Variants in CCAR2 observed in about 807,000 individuals in gnomAD.
CCAR2 encodes the protein cell cycle and apoptosis regulator 2.
A neutral mutation model predicts 108.1 loss-of-function variants in CCAR2; 21 were observed. The observed-to-expected ratio is 0.19, with a 90% CI of 0.14 to 0.28. The LOEUF is 0.28. CCAR2 is among the 10% of genes least tolerant of loss of function. The probability of loss-of-function intolerance (pLI) is 1.00; values close to 1 mark genes in which losing one functional copy is unlikely to be tolerated. For missense variants in CCAR2, 1,126 were observed against 1,177.0 expected, an observed-to-expected ratio of 0.96 and a Z score of 0.63; for synonymous variants, 577 against 472.8, an observed-to-expected ratio of 1.22 and a Z score of -2.86.
At chr8:22,606,053 G>A (rs199824450) in intron 2 of CCAR2, 32 bp from the exon 3 acceptor site, 15 of 1,578,346 alleles carry the variant, frequency 9.5e-6, no homozygotes, top group South Asian at 3.3e-5. Flanking sequence ...TGGTAGGGGC[G>A]GTTCCTGGAG....
At position 22,613,180 on chromosome 8, in the gene CCAR2, T is replaced by C. The variant is rs376147638; in HGVS notation, c.704+44T>C. The C allele has an allele frequency of 7.3e-6, 11 of 1,507,822 alleles. No homozygotes were observed. The African/African-American group carries it at 1.5e-4, about 21-fold the overall frequency. The allele number at this position is 1,507,822 out of a possible 1,614,324, so 93.4% of individuals were successfully genotyped here. ...GTGGGCTGAGTCTTGCTGCTGGTAA[T>C]AGTTTCTTATGTAAATGAGATGGCG... On this transcript the variant is annotated intron_variant, in intron 8 of 20. Coordinates refer to ENST00000308511, the MANE Select transcript of CCAR2 (RefSeq NM_001393997.1).
intron 1 of CCAR2, 27 bp downstream of exon 1, chr8:22,604,869 C>T (rs904456636): frequency 4.5e-6 from 2 of 447,766 alleles, no homozygotes; most frequent in African/African-American, 2.0e-5. Context: ...CCTGCCGCCC[C>T]TCTGCCCCTT....
chr8:22,615,590 A>T lies in CCAR2; in HGVS notation c.1371A>T (p.Ala457=). Residue 457 remains alanine (A), a synonymous_variant, in exon 12 of 21, where the codon GCA becomes GCT. Coordinates refer to ENST00000308511, the MANE Select transcript of CCAR2 (RefSeq NM_001393997.1). Reference sequence around the variant, plus strand: ...AGGCAGCTCCCCCAACCCAGGAGGCACAAGGGGTAAGGCTGTGCCTTAGCC... The same window carrying T: ...AGGCAGCTCCCCCAACCCAGGAGGCTCAAGGGGTAAGGCTGTGCCTTAGCC... ...AAEAAPPTQE[A]QGETEPTEQA... The T allele has an allele frequency of 6.2e-7, 1 of 1,613,880 alleles. No homozygotes were observed. Among genetic ancestry groups the T allele is most frequent in the Non-Finnish European group, 8.5e-7 (1 of 1,179,992 alleles).
At chr8:22,615,968 GTCTT>G in intron 13 of CCAR2, 40 bp from the exon 14 acceptor site, 2 of 1,612,908 alleles carry the variant, frequency 1.2e-6, no homozygotes, top group South Asian at 2.2e-5. Flanking sequence ...GCCTGAAGCA[GTCTT>G]TCTTCCTGAT....
rs750209942 is a variant in CCAR2, at chr8:22,619,164, C to G, written c.2536C>G (p.Arg846Gly). Residue 846 changes from arginine to glycine, a missense_variant, in exon 20 of 21, where the codon CGT becomes GGT. This residue lies in a region of CCAR2 where 1,013 missense variants were observed against 993.9 expected (regional missense o/e 1.02). Transcript: ENST00000308511. ...CCACCTTGCAGAGGAGAGCCATAAC[C>G]GTTTCTCAGCCACTGAAGTAACCAA... The part of the protein sequence containing the change: ...LELKLEESHN[R>G]FSATEVTNKT... The G allele has an allele frequency of 6.2e-7, 1 of 1,601,538 alleles. No homozygotes were observed.
At position 22,615,779 on chromosome 8, in the gene CCAR2, A is replaced by T; in HGVS notation, c.1475A>T (p.Glu492Val). The part of the protein sequence containing the change: ...AETPEATTQQ[E>V]TDTDLPEAPP... ...ACTCCAGAGGCCACCACACAGCAGG[A>T]AACGGACACTGATCTCCCAGAGGCC... Residue 492 changes from glutamate (E) to valine (V), a missense_variant, in exon 13 of 21, where the codon GAA becomes GTA. Glu to Val is a moderately radical substitution (Grantham distance 121). Transcript: ENST00000308511. 2 of 1,613,972 alleles carry T rather than the reference A, an allele frequency of 1.2e-6. No individual in the cohort carries two copies. The highest frequency in any genetic ancestry group is 1.7e-6 in the Non-Finnish European group (2 of 1,180,008).
At chr8:22,616,437 A>C (rs1352879301) in intron 14 of CCAR2, 189 bp downstream of exon 14, 2 of 607,014 alleles carry the variant, frequency 3.3e-6, no homozygotes, top group Non-Finnish European at 5.8e-6. Flanking sequence ...TGCAGGGAGC[A>C]TGGCTGAGCA....
At chr8:22,616,866 CTTTTTT>C (rs36086286) in intron 14 of CCAR2, among the ~76,000 whole-genome samples, 1 of 54,730 alleles carries the variant, frequency 1.8e-5, no homozygotes, top group African/African-American at 6.0e-5. Context: ...TACTAGTCTG[CTTTTTT>C]TTTTTTTTTT....
intron 14 of CCAR2, chr8:22,616,501 T>TTTGA (rs1801514494): frequency 3.7e-6 from 2 of 536,864 alleles, no homozygotes; most frequent in Non-Finnish European, 3.3e-6. Flanking sequence ...AGTGGGGTGC[T>TTTGA]TTGATTGCCT....
chr8:22,611,410 G>GTGTA (rs1172656127), intron 7 of CCAR2, among the ~76,000 whole-genome samples: 1 of 146,304 alleles, frequency 6.8e-6, no homozygotes, highest in East Asian at 1.9e-4. Flanking sequence ...GTGTGTATGT[G>GTGTA]TGTGTATATA....
chr8:22,611,388 A>ATATATG (rs1554559973), intron 7 of CCAR2, among the ~76,000 whole-genome samples: 1 of 128,478 alleles, frequency 7.8e-6, no homozygotes, highest in African/African-American at 3.2e-5. Flanking sequence ...AAGTATATAT[A>ATATATG]TGTGTGTGTG....
rs1283071806 is a variant in CCAR2, at chr8:22,618,803, A to G, written c.2333-24A>G. 1.7e-5 allele frequency: 27 copies of G among 1,612,974 alleles called. No homozygotes were observed. In the East Asian group the frequency reaches 6.0e-4, roughly 36 times the overall value. On this transcript the variant is annotated intron_variant, in intron 18 of 20. Coordinates refer to ENST00000308511, the MANE Select transcript of CCAR2 (RefSeq NM_001393997.1). ...GCCCTCTCTGGAGACTCCATCCTGA[A>G]TTCTTTTTCACGGTTCTCTCTAGGA...
intron 7 of CCAR2, among the ~76,000 whole-genome samples, chr8:22,610,579 A>G (rs1363882192): frequency 6.6e-6 from 1 of 152,238 alleles, no homozygotes; most frequent in Non-Finnish European, 1.5e-5. Flanking sequence ...TGGCTTTGGC[A>G]TGGGTCTTCT....
intron 7 of CCAR2, among the ~76,000 whole-genome samples, chr8:22,610,431 C>T (rs1214126546): frequency 6.6e-6 from 1 of 152,306 alleles, no homozygotes; most frequent in South Asian, 2.1e-4. Flanking sequence ...GAGAGGTCAG[C>T]CCCTGGTGCT....
At position 22,604,771 on chromosome 8, in the gene CCAR2, T is replaced by TGGC. The variant is rs767390039; in HGVS notation, c.-103_-101dup. Reference sequence around the variant, plus strand: ...CGCGCTTCCGGAGAGGCGCTTCCGGTGGCGGCGGCAGCAGCGGCTGTGGTG... The same window carrying TGGC: ...CGCGCTTCCGGAGAGGCGCTTCCGGTGGCGGCGGCGGCAGCAGCGGCTGTGGTG... On this transcript the variant is annotated 5_prime_UTR_variant, in exon 1 of 21. Transcript: ENST00000308511. 2.2e-5 allele frequency: 10 copies of TGGC among 455,964 alleles called. No individual in the cohort carries two copies. The highest frequency in any genetic ancestry group is 9.4e-5 in the Admixed American group (4 of 42,562). The allele number at this position is 455,964 out of a possible 1,614,324, so 28.2% of individuals were successfully genotyped here.
chr8:22,617,747 C>G lies in CCAR2; in HGVS notation c.2042C>G (p.Ser681Ter). ...SEVRSVASNQ[S>*]EMEFSSLQDM... Reference sequence around the variant, plus strand: ...GTCCGGTCCGTTGCCTCAAACCAGTCAGAGATGGAGTTCTCTTCACTTCAG... The same window carrying G: ...GTCCGGTCCGTTGCCTCAAACCAGTGAGAGATGGAGTTCTCTTCACTTCAG... The change falls in exon 16 of 21, where the codon TCA becomes TGA. Residue 681 changes from serine (S) to a stop codon, truncating the protein, a stop_gained. Transcript: ENST00000308511. LOFTEE classifies it high-confidence loss of function. 1 of 1,614,026 alleles carries G rather than the reference C, an allele frequency of 6.2e-7. No homozygotes were observed. The highest frequency in any genetic ancestry group is 8.5e-7 in the Non-Finnish European group (1 of 1,180,020).
chr8:22,612,891 G>A (rs922220044), intron 7 of CCAR2, 126 bp from the exon 8 acceptor site: 9 of 1,015,442 alleles, frequency 8.9e-6, no homozygotes, highest in African/African-American at 6.5e-5. Context: ...ATGGCTGTTA[G>A]CATGGATTCT....
downstream of CCAR2, chr8:22,621,473 G>A (rs371953031): frequency 6.9e-5 from 112 of 1,613,752 alleles, no homozygotes; most frequent in Middle Eastern, 1.6e-4. Flanking sequence ...GTTTGGCCTC[G>A]TTCTCCCGCT....
rs775752680 is a variant in CCAR2 at position 22,619,731 on chromosome 8, C to CAA, written c.*51_*52dup. 30 of 1,543,716 alleles carry CAA rather than the reference C, an allele frequency of 1.9e-5. No individual in the cohort carries two copies. The East Asian group carries it at 3.7e-4, about 19-fold the overall frequency. On this transcript the variant is annotated 3_prime_UTR_variant, in exon 21 of 21. Transcript: ENST00000308511. ...CTGTGAGGGCAGCGGTGGCGCCCGGCAAAGTTGGAGCCCTTGCGGTACCAG... is the reference window on the plus strand; with the variant it reads ...CTGTGAGGGCAGCGGTGGCGCCCGGCAAAAAGTTGGAGCCCTTGCGGTACCAG...
Sources: allele counts gnomAD v4.1 joint callset (sites outside exome capture counted in the v4.1 genomes callset), GRCh38; gene constraint gnomAD v4.1.1; regional missense constraint gnomAD v4.1.1; transcripts MANE v1.5; gene names NCBI Gene and HGNC (gene_info 2026-07-23, HGNC 2026-07-21).